MCF2: variants seen among roughly 807,000 people sequenced by gnomAD.
MCF2 encodes the protein MCF.2 cell line derived transforming sequence, also known as proto-oncogene DBL.
In MCF2, 44 loss-of-function variants were observed where a neutral mutation model predicts 82.5. That is an observed-to-expected ratio of 0.53 (90% CI 0.42 to 0.69). MCF2 has a LOEUF of 0.69. Among genes scored for constraint, MCF2 ranks in the 30% least tolerant of loss-of-function variants. MCF2 has a pLI of 0.00. For missense variants in MCF2, 623 were observed against 663.1 expected (o/e 0.94, Z 0.66); for synonymous variants, 217 against 224.9 (o/e 0.96, Z 0.32).
intron 1 of MCF2, among the ~76,000 whole-genome samples, chrX:139,674,622 AT>A (rs1400137602): frequency 9.0e-6 from 1 of 111,363 alleles, no homozygotes; most frequent in Non-Finnish European, 1.9e-5. Flanking sequence ...CTTGAAAATT[AT>A]TTTCTTTAAG....
Position 139,591,280 on chromosome X carries a change from T to C in MCF2, c.2278-1353A>G, listed in dbSNP as rs190725750. On this transcript the variant is annotated intron_variant, in intron 19 of 24. Transcript: ENST00000370576. ...GATATAAGGACTAAATAGCATGGAGTAAATGCTTAGATCCTATAATGAGCT... is the reference window on the plus strand; with the variant it reads ...GATATAAGGACTAAATAGCATGGAGCAAATGCTTAGATCCTATAATGAGCT... 1.9e-4 allele frequency among the ~76,000 whole-genome samples: 21 copies of C among 111,422 alleles called. No individual in the cohort carries two copies. In the East Asian group the frequency reaches 5.4e-3, roughly 29 times the overall value.
intron 1 of MCF2, among the ~76,000 whole-genome samples, chrX:139,639,947 T>C (rs1933464266): frequency 1.5e-5 from 1 of 68,564 alleles, no homozygotes; most frequent in Non-Finnish European, 3.8e-5. Flanking sequence ...TTCTTATATA[T>C]ATATTATCTT....
intron 6 of MCF2, among the ~76,000 whole-genome samples, chrX:139,622,624 G>T (rs201425812): frequency 9.2e-6 from 1 of 109,170 alleles, no homozygotes; most frequent in Non-Finnish European, 1.9e-5. Flanking sequence ...GCAAACTATC[G>T]CAAGGACAAA....
At chrX:139,664,126 T>C (rs1209458679) in intron 1 of MCF2, among the ~76,000 whole-genome samples, 1 of 110,407 alleles carries the variant, frequency 9.1e-6, no homozygotes, top group Non-Finnish European at 1.9e-5. Flanking sequence ...GGCCTTAGCC[T>C]CCCAAGTAGC....
chrX:139,612,049 C>T (rs1012214992), intron 10 of MCF2, among the ~76,000 whole-genome samples: 3 of 108,685 alleles, frequency 2.8e-5, no homozygotes, highest in Non-Finnish European at 3.8e-5. Context: ...GATGTTAGCT[C>T]GGATTAGGAA....
At chrX:139,631,714 T>C in intron 2 of MCF2, among the ~76,000 whole-genome samples, 1 of 111,672 alleles carries the variant, frequency 9.0e-6, no homozygotes, top group Non-Finnish European at 1.9e-5. Context: ...ACATTTTCTG[T>C]AAAGCTAAAT....
intron 16 of MCF2, among the ~76,000 whole-genome samples, chrX:139,599,864 A>G (rs1007897557): frequency 5.4e-5 from 6 of 112,092 alleles, no homozygotes; most frequent in African/African-American, 1.9e-4. Context: ...ATGCAAAAGC[A>G]TTCTCAGCAG....
At chrX:139,593,963 C>T (rs1451915069) in intron 19 of MCF2, among the ~76,000 whole-genome samples, 1 of 110,804 alleles carries the variant, frequency 9.0e-6, no homozygotes, top group Non-Finnish European at 1.9e-5. Context: ...CATGAATGAA[C>T]TCCCATTCAC....
chrX:139,618,748 C>A (rs1456075234), intron 7 of MCF2, among the ~76,000 whole-genome samples: 2 of 111,404 alleles, frequency 1.8e-5, no homozygotes, highest in African/African-American at 6.5e-5. Flanking sequence ...GCCTTGCTCT[C>A]ACATAAAAAG....
At chrX:139,584,995 C>T in intron 24 of MCF2, 71 bp downstream of exon 28, 1 of 695,705 alleles carries the variant, frequency 1.4e-6, no homozygotes, top group Non-Finnish European at 2.2e-6. Flanking sequence ...AAAGATTGCC[C>T]CTATGTGCTC....
At position 139,683,671 on chromosome X, in the gene MCF2, T is replaced by C. The variant is rs1056779918; in HGVS notation, c.-45+24435A>G. On this transcript the variant is annotated intron_variant, in intron 1 of 27. Coordinates refer to the MCF2 transcript ENST00000414978. ...AAATAATTGAAAGTCCAGAAATAGA[T>C]CTTTGTACCGAAGGTTAATTTATTT... Among the ~76,000 whole-genome samples the C allele has an allele frequency of 2.5e-4, 28 of 112,311 alleles. 1 individual carries two copies. The East Asian group carries it at 7.8e-3, about 31-fold the overall frequency.
intron 11 of MCF2, among the ~76,000 whole-genome samples, chrX:139,609,624 G>A (rs1296551491): frequency 1.8e-5 from 2 of 111,197 alleles, no homozygotes. Context: ...ACAGATATCA[G>A]ATTATCATGG....
intron 1 of MCF2, among the ~76,000 whole-genome samples, chrX:139,633,839 G>T (rs1420560741): frequency 9.0e-6 from 1 of 111,285 alleles, no homozygotes; most frequent in Non-Finnish European, 1.9e-5. Flanking sequence ...ATGAGTTTCT[G>T]AACTAAAGTA....
intron 1 of MCF2, among the ~76,000 whole-genome samples, chrX:139,673,064 A>T (rs1014393313): frequency 1.8e-5 from 2 of 111,696 alleles, no homozygotes; most frequent in African/African-American, 6.5e-5. Flanking sequence ...GTGTCGAGGA[A>T]TTTATCCATT....
chrX:139,605,750 T>C (rs371702775), exon 13 of MCF2: 5 of 1,196,232 alleles, frequency 4.2e-6, no homozygotes, highest in Non-Finnish European at 5.6e-6. Context: ...ATAAACTCTC[T>C]CAGTCTGTAT....
chrX:139,680,767 TCTC>T (rs779038350), intron 1 of MCF2, among the ~76,000 whole-genome samples: 177 of 112,431 alleles, frequency 1.6e-3, no homozygotes, highest in Non-Finnish European at 2.2e-3. Flanking sequence ...AAATGCCAGA[TCTC>T]CTACTCTGTA....
chrX:139,595,462 T>C (rs1386344686), intron 19 of MCF2, among the ~76,000 whole-genome samples: 1 of 105,774 alleles, frequency 9.5e-6, no homozygotes, highest in African/African-American at 3.4e-5. Flanking sequence ...TCATTCTCAG[T>C]AAACTATCGC....
At chrX:139,659,551 C>T (rs1437068840) in intron 1 of MCF2, among the ~76,000 whole-genome samples, 1 of 111,606 alleles carries the variant, frequency 9.0e-6, no homozygotes, top group Non-Finnish European at 1.9e-5. Context: ...CAGCGACGCT[C>T]TCTCATGTCC....
Position 139,651,793 on chromosome X carries a change from G to A in MCF2, c.-44-5C>T, listed in dbSNP as rs1311798916. 9.1e-7 allele frequency: 1 copy of A among 1,101,320 alleles called. No homozygotes were observed. The highest frequency in any genetic ancestry group is 1.2e-6 in the Non-Finnish European group (1 of 814,751). The allele number at this position is 1,101,320 out of a possible 1,213,427, so 90.8% of individuals were successfully genotyped here. A position where few individuals can be genotyped will look rare whatever the true frequency, so the allele number is the denominator to read the frequency against. On this transcript the variant is annotated splice_region_variant and splice_polypyrimidine_tract_variant and intron_variant, in intron 1 of 27. Transcript: ENST00000414978. ...TACGGAGGAGCAGATCGGTTTCTAT[G>A]ACAAACGAAAATAGAAGAAATGACA...
Sources: allele counts gnomAD v4.1 joint callset (sites outside exome capture counted in the v4.1 genomes callset), GRCh38; gene constraint gnomAD v4.1.1; transcripts MANE v1.5; gene names NCBI Gene and HGNC (gene_info 2026-07-23, HGNC 2026-07-21).